Variants in SYNPO2 observed in about 807,000 individuals in gnomAD.
SYNPO2 encodes the protein synaptopodin-2.
SYNPO2 carries 56 observed loss-of-function variants against 85.0 expected under a neutral mutation model. That is an observed-to-expected ratio of 0.66 (90% CI 0.53 to 0.82). The LOEUF is 0.82. SYNPO2 is among the 40% of genes least tolerant of loss of function. The probability of loss-of-function intolerance (pLI) is 0.00; values close to 1 mark genes in which losing one functional copy is unlikely to be tolerated. For missense variants in SYNPO2, 1,575 were observed against 1,534.2 expected (o/e 1.03, Z -0.44); for synonymous variants, 602 against 591.1 (o/e 1.02, Z -0.27).
rs1049927184 is a variant in SYNPO2 at position 119,056,958 on chromosome 4, C to A, written c.3253-443C>A. Among the ~76,000 whole-genome samples, 15 of 152,064 alleles carry A rather than the reference C, an allele frequency of 9.9e-5. No individual in the cohort carries two copies. In the East Asian group the frequency reaches 2.5e-3, roughly 25 times the overall value. On this transcript the variant is annotated intron_variant, in intron 4 of 4. Transcript: ENST00000307142. The stretch of plus-strand genomic sequence containing the variant: ...ATGTACAGCTTGTTTCTGAGGTTAT[C>A]AATAGGTTTTGTTTATTTTGTACCA...
At chr4:118,872,473 C>T (rs530745421) in intron 1 of SYNPO2, among the ~76,000 whole-genome samples, 10 of 152,218 alleles carry the variant, frequency 6.6e-5, no homozygotes, top group African/African-American at 2.2e-4. Context: ...TATAGTCATG[C>T]TTTGATGTAC....
chr4:118,870,308 G>T (rs373539664), intron 1 of SYNPO2, among the ~76,000 whole-genome samples: 2 of 152,338 alleles, frequency 1.3e-5, no homozygotes, highest in African/African-American at 4.8e-5. Flanking sequence ...AGGCAGCTTT[G>T]TTTCTATCCA....
At chr4:118,883,832 G>T (rs1174941676) in intron 1 of SYNPO2, among the ~76,000 whole-genome samples, 2 of 151,852 alleles carry the variant, frequency 1.3e-5, no homozygotes, top group Non-Finnish European at 2.9e-5. Context: ...GTTTCACCCT[G>T]TTAGGTCTGG....
chr4:118,942,687 A>G (rs1734356228), intron 1 of SYNPO2, among the ~76,000 whole-genome samples: 1 of 152,182 alleles, frequency 6.6e-6, no homozygotes, highest in Admixed American at 6.5e-5. Flanking sequence ...CACAGGGGAC[A>G]TTTGGCAATG....
chr4:118,910,025 A>G (rs548644558), intron 1 of SYNPO2, among the ~76,000 whole-genome samples: 2 of 152,194 alleles, frequency 1.3e-5, no homozygotes, highest in South Asian at 4.2e-4. Context: ...TTTGTTTTCC[A>G]TTTCCAACGT....
intron 1 of SYNPO2, among the ~76,000 whole-genome samples, chr4:118,919,408 GA>G (rs10709517): frequency 0.6 from 91,735 of 151,880 alleles, 28,792 homozygotes; most frequent in East Asian, 0.8. Flanking sequence ...GTAATTGACT[GA>G]AAAAATAAAA....
intron 4 of SYNPO2, chr4:119,032,923 G>C: frequency 1.1e-6 from 1 of 947,620 alleles, no homozygotes; most frequent in Non-Finnish European, 1.3e-6. Context: ...ATCTTTAAAG[G>C]TTGATTCCCA....
upstream of SYNPO2, among the ~76,000 whole-genome samples, chr4:118,885,426 A>G (rs925712015): frequency 1.3e-5 from 2 of 151,704 alleles, no homozygotes; most frequent in African/African-American, 2.4e-5. Context: ...GAAATGAGGG[A>G]AGGAGCAGAT....
intron 1 of SYNPO2, among the ~76,000 whole-genome samples, chr4:118,881,723 A>G (rs1301083345): frequency 6.6e-6 from 1 of 152,170 alleles, no homozygotes; most frequent in East Asian, 1.9e-4. Context: ...GACGGCACAT[A>G]GATCATAGGG....
chr4:119,056,042 A>T (rs1490197160), intron 4 of SYNPO2, among the ~76,000 whole-genome samples: 1 of 152,186 alleles, frequency 6.6e-6, no homozygotes, highest in Non-Finnish European at 1.5e-5. Flanking sequence ...AAGCATGGTA[A>T]TGTTTTTTGT....
At chr4:119,013,363 T>C (rs753079787) in intron 1 of SYNPO2, among the ~76,000 whole-genome samples, 4 of 152,186 alleles carry the variant, frequency 2.6e-5, no homozygotes, top group Non-Finnish European at 5.9e-5. Context: ...GAAAAGTACA[T>C]ATAAAGCACT....
At chr4:118,938,156 T>C (rs1352780487) in intron 1 of SYNPO2, among the ~76,000 whole-genome samples, 1 of 151,908 alleles carries the variant, frequency 6.6e-6, no homozygotes, top group South Asian at 2.1e-4. Flanking sequence ...TACAAAAAAT[T>C]AGCCAGGCGG....
At chr4:118,889,372 A>G (rs539800779) in intron 1 of SYNPO2, among the ~76,000 whole-genome samples, 6 of 152,338 alleles carry the variant, frequency 3.9e-5, no homozygotes, top group Non-Finnish European at 7.3e-5. Flanking sequence ...GAAGAATGCC[A>G]TATTTATCAG....
At chr4:118,940,463 G>T (rs978076661) in intron 1 of SYNPO2, among the ~76,000 whole-genome samples, 1 of 150,864 alleles carries the variant, frequency 6.6e-6, no homozygotes, top group Admixed American at 6.7e-5. Context: ...CCAAAGGACT[G>T]CCTTACAACT....
At chr4:118,869,213 C>T (rs1417072525) in intron 1 of SYNPO2, among the ~76,000 whole-genome samples, 3 of 152,074 alleles carry the variant, frequency 2.0e-5, no homozygotes, top group Non-Finnish European at 4.4e-5. Context: ...CGCGCCACCA[C>T]ACCTGGCTTA....
At chr4:119,025,874 T>A (rs1220972006) in intron 2 of SYNPO2, among the ~76,000 whole-genome samples, 1 of 151,996 alleles carries the variant, frequency 6.6e-6, no homozygotes, top group African/African-American at 2.4e-5. Context: ...ACTGGGAAGA[T>A]CAAAATCAAA....
chr4:119,003,660 T>C (rs1056734988), intron 1 of SYNPO2, among the ~76,000 whole-genome samples: 3 of 152,216 alleles, frequency 2.0e-5, no homozygotes, highest in Non-Finnish European at 4.4e-5. Context: ...CCCCTCCCAG[T>C]ATAGTCTCTA....
intron 2 of SYNPO2, among the ~76,000 whole-genome samples, chr4:119,023,834 G>A (rs1225665427): frequency 6.6e-6 from 1 of 152,102 alleles, no homozygotes; most frequent in African/African-American, 2.4e-5. Context: ...GGTATTTTAG[G>A]CTCCTTCCTT....
At chr4:118,895,377 A>T (rs1334984155) in intron 1 of SYNPO2, among the ~76,000 whole-genome samples, 1 of 152,202 alleles carries the variant, frequency 6.6e-6, no homozygotes, top group East Asian at 1.9e-4. Context: ...ATTTATTCAT[A>T]ACTGAATGAG....
Sources: allele counts gnomAD v4.1 joint callset (sites outside exome capture counted in the v4.1 genomes callset), GRCh38; gene constraint gnomAD v4.1.1; transcripts MANE v1.5; gene names NCBI Gene and HGNC (gene_info 2026-07-23, HGNC 2026-07-21).